Variants in DPP6 observed in about 807,000 individuals in gnomAD.
DPP6 encodes A-type potassium channel modulatory protein DPP6.
DPP6 carries 69 observed loss-of-function variants against 122.6 expected under a neutral mutation model. The ratio of observed to expected loss-of-function variants is 0.56; its 90% CI spans 0.46 to 0.69. The LOEUF (loss-of-function observed/expected upper bound fraction) is 0.69. DPP6 is among the 30% of genes least tolerant of loss of function. The pLI is 0.00. For synonymous variants in DPP6, 418 were observed against 433.1 expected (o/e 0.97, Z 0.43); for missense variants, 928 against 1,116.9 (o/e 0.83, Z 2.41).
intron 2 of DPP6, among the ~76,000 whole-genome samples, chr7:154,466,246 T>A (rs1355131425): frequency 6.6e-6 from 1 of 152,094 alleles, no homozygotes; most frequent in African/African-American, 2.4e-5. Flanking sequence ...AGGAGAAATA[T>A]CTAATGTAGA....
At chr7:154,496,341 T>C (rs1824736412) in intron 3 of DPP6, among the ~76,000 whole-genome samples, 1 of 152,218 alleles carries the variant, frequency 6.6e-6, no homozygotes, top group Admixed American at 6.5e-5. Flanking sequence ...TGTTATGACA[T>C]AAAAGCTATA....
At chr7:154,745,959 G>A (rs1490758216) in intron 8 of DPP6, among the ~76,000 whole-genome samples, 7 of 152,138 alleles carry the variant, frequency 4.6e-5, no homozygotes, top group Non-Finnish European at 7.3e-5. Flanking sequence ...AAGTTTGGAG[G>A]GGACAGGAAG....
At chr7:154,769,721 T>A in intron 9 of DPP6, 150 bp downstream of exon 9, 1 of 1,158,818 alleles carries the variant, frequency 8.6e-7, no homozygotes, top group Non-Finnish European at 1.1e-6. Flanking sequence ...TTACATTGCA[T>A]TACATTCCCG....
At chr7:154,367,268 T>C (rs1200361932) in intron 1 of DPP6, among the ~76,000 whole-genome samples, 1 of 152,222 alleles carries the variant, frequency 6.6e-6, no homozygotes, top group African/African-American at 2.4e-5. Flanking sequence ...TTGCCAGCCA[T>C]AGGAGACATT....
chr7:154,566,893 C>A lies in DPP6; in HGVS notation c.604C>A (p.Leu202Ile). 6.2e-7 allele frequency: 1 copy of A among 1,608,244 alleles called. No individual in the cohort carries two copies. Among genetic ancestry groups the A allele is most frequent in the Non-Finnish European group, 8.5e-7 (1 of 1,175,960 alleles). ...AATATCTCCAGATAGAGAGTATGCA[C>A]TTTTTTCATACAATGTGGAACCCGT... ...YEISPDREYA[L>I]FSYNVEPIYQ... Residue 202 changes from leucine (L) to isoleucine (I), a missense_variant, in exon 5 of 26, where the codon CTT (leucine) becomes ATT (isoleucine). Transcript: ENST00000377770.
At chr7:154,321,343 C>T (rs2151018455) in intron 1 of DPP6, among the ~76,000 whole-genome samples, 1 of 151,968 alleles carries the variant, frequency 6.6e-6, no homozygotes, top group Non-Finnish European at 1.5e-5. Context: ...CCTCTCTACT[C>T]TCCTTAAGAT....
At chr7:154,020,516 T>C (rs1418232999) in intron 1 of DPP6, among the ~76,000 whole-genome samples, 1 of 152,110 alleles carries the variant, frequency 6.6e-6, no homozygotes, top group Admixed American at 6.6e-5. Flanking sequence ...CCAGGTCTTC[T>C]GGTTCTGATC....
chr7:154,324,587 C>T (rs1446770764), intron 1 of DPP6, among the ~76,000 whole-genome samples: 1 of 152,190 alleles, frequency 6.6e-6, no homozygotes, highest in Non-Finnish European at 1.5e-5. Flanking sequence ...CCTTTTGTTA[C>T]CAGTCCAGGC....
the DPP6 span, among the ~76,000 whole-genome samples, chr7:153,821,880 A>T: frequency 6.6e-6 from 1 of 152,042 alleles, no homozygotes; most frequent in Non-Finnish European, 1.5e-5. Context: ...AGATGAAGTA[A>T]ATCTTCTAAT....
intron 1 of DPP6, among the ~76,000 whole-genome samples, chr7:154,089,804 A>G (rs1804676050): frequency 6.6e-6 from 1 of 151,744 alleles, no homozygotes. Flanking sequence ...TAAATTAGTT[A>G]CAGAGCGAGA....
chr7:153,966,554 CTT>C (rs753840054), intron 1 of DPP6, among the ~76,000 whole-genome samples: 63 of 41,322 alleles, frequency 1.5e-3, no homozygotes, highest in African/African-American at 2.9e-3. Flanking sequence ...CCTGTGTTGG[CTT>C]TTTTTTTTTT....
At chr7:154,391,580 A>G (rs1336200403) in intron 1 of DPP6, among the ~76,000 whole-genome samples, 1 of 152,204 alleles carries the variant, frequency 6.6e-6, no homozygotes, top group Non-Finnish European at 1.5e-5. Flanking sequence ...TCATTTGGGC[A>G]GCTTCGGTCA....
intron 12 of DPP6, among the ~76,000 whole-genome samples, chr7:154,796,987 G>A (rs923246210): frequency 5.3e-5 from 8 of 152,212 alleles, no homozygotes; most frequent in Admixed American, 2.0e-4. Context: ...ATCGGGAAGA[G>A]GGAAGACTTA....
intron 1 of DPP6, among the ~76,000 whole-genome samples, chr7:154,255,034 A>C (rs1239564718): frequency 6.6e-6 from 1 of 152,206 alleles, no homozygotes; most frequent in Non-Finnish European, 1.5e-5. Context: ...AGAGTGATGA[A>C]GAGAACCACA....
chr7:154,805,013 TC>T (rs1360373785), intron 15 of DPP6, 49 bp downstream of exon 15: 6 of 1,559,402 alleles, frequency 3.8e-6, no homozygotes, highest in Non-Finnish European at 5.2e-6. Flanking sequence ...TAGGAGGGCA[TC>T]CAGGCTTTGC....
intron 8 of DPP6, among the ~76,000 whole-genome samples, chr7:154,733,307 C>A (rs2131383300): frequency 6.6e-6 from 1 of 152,338 alleles, no homozygotes; most frequent in East Asian, 1.9e-4. Flanking sequence ...GCCCACTGTA[C>A]AAGGAGCAGA....
chr7:154,807,230 A>G, intron 16 of DPP6, 118 bp downstream of exon 16: 1 of 1,414,336 alleles, frequency 7.1e-7, no homozygotes, highest in Non-Finnish European at 9.4e-7. Flanking sequence ...CGTATTCCAG[A>G]ACAGGTGAGG....
chr7:154,261,043 A>G (rs940965346), intron 1 of DPP6, among the ~76,000 whole-genome samples: 2 of 151,878 alleles, frequency 1.3e-5, no homozygotes, highest in Admixed American at 1.3e-4. Context: ...CTGCAGGCAC[A>G]TGCCACCACG....
intron 1 of DPP6, among the ~76,000 whole-genome samples, chr7:154,444,324 G>T (rs1586290492): frequency 6.6e-6 from 1 of 152,014 alleles, no homozygotes; most frequent in African/African-American, 2.4e-5. Flanking sequence ...AATTAGCCAG[G>T]TGTGATTGTG....
Sources: gnomAD v4.1 joint callset for allele counts (sites outside exome capture counted in the v4.1 genomes callset) on GRCh38, gnomAD v4.1.1 for gene constraint, MANE v1.5 for transcripts, NCBI Gene and HGNC (gene_info 2026-07-23, HGNC 2026-07-21) for gene names.